The following ANKRD30B variants were observed in gnomAD, a reference collection of about 807,000 sequenced individuals.
ANKRD30B encodes ankyrin repeat domain 30B.
ANKRD30B carries 144 observed loss-of-function variants against 202.2 expected under a neutral mutation model. That is an observed-to-expected ratio of 0.71 (90% CI 0.62 to 0.82). The LOEUF (loss-of-function observed/expected upper bound fraction) is 0.82, where lower values mean the gene tolerates loss of function less well. Ranked by LOEUF, ANKRD30B falls within the 40% of genes least tolerant of loss-of-function variation. The pLI is 0.00. For missense variants in ANKRD30B, 1,487 were observed against 1,669.1 expected (o/e 0.89, Z 1.90); for synonymous variants, 508 against 561.3 (o/e 0.91, Z 1.34).
At chr18:14,837,933 G>C (rs548564151) in intron 36 of ANKRD30B, among the ~76,000 whole-genome samples, 2 of 152,130 alleles carry the variant, frequency 1.3e-5, no homozygotes, top group African/African-American at 4.8e-5. Context: ...GGAGAATGGC[G>C]TGAACCCAGA....
chr18:14,875,139 T>G, the ANKRD30B span, among the ~76,000 whole-genome samples: 1 of 152,130 alleles, frequency 6.6e-6, no homozygotes, highest in Admixed American at 6.5e-5. Flanking sequence ...CAAACCTCCA[T>G]GAGGAAGGCT....
At chr18:14,847,050 T>TTATATATATA (rs56871571) in intron 39 of ANKRD30B, among the ~76,000 whole-genome samples, 48 of 111,088 alleles carry the variant, frequency 4.3e-4, no homozygotes, top group Admixed American at 7.4e-4. Context: ...TGATTTAGTT[T>TTATATATATA]TATATATATA....
chr18:14,818,759 CATT>C (rs1473467742), intron 30 of ANKRD30B, among the ~76,000 whole-genome samples: 1 of 151,980 alleles, frequency 6.6e-6, no homozygotes, highest in Non-Finnish European at 1.5e-5. Context: ...TCCAGTCTAT[CATT>C]GTTGGATATT....
chr18:14,899,475 T>G, the ANKRD30B span, among the ~76,000 whole-genome samples: 1 of 152,186 alleles, frequency 6.6e-6, no homozygotes, highest in African/African-American at 2.4e-5. Context: ...TTTTTACAAT[T>G]TATTTGGTTT....
rs771135242 is a variant in ANKRD30B, at chr18:14,763,916, T to C, written c.1051T>C (p.Ser351Pro). 5.6e-6 allele frequency: 9 copies of C among 1,607,808 alleles called. No individual in the cohort carries two copies. In the South Asian group the frequency reaches 8.9e-5, roughly 16 times the overall value. ...TACAAAAGAAACATCTGAGAAATTT[T>C]CATGGCCAGCAAAAGAAAGATCTAG... ...RPTKETSEKF[S>P]WPAKERSRKI... Residue 351 changes from serine to proline, a missense_variant, in exon 7 of 44, where the codon TCA becomes CCA. Physicochemically the swap from Ser to Pro is moderately conservative, Grantham distance 74. Coordinates refer to ENST00000690538, the MANE Select transcript of ANKRD30B (RefSeq NM_001367607.2).
chr18:14,855,087 G>A (rs1169046060), downstream of ANKRD30B, among the ~76,000 whole-genome samples: 1 of 152,074 alleles, frequency 6.6e-6, no homozygotes, highest in Non-Finnish European at 1.5e-5. Flanking sequence ...GGGTACTTGA[G>A]ATTAGGGAGT....
intron 30 of ANKRD30B, among the ~76,000 whole-genome samples, chr18:14,820,704 G>T (rs1465063501): frequency 6.6e-6 from 1 of 152,014 alleles, no homozygotes; most frequent in Non-Finnish European, 1.5e-5. Flanking sequence ...TGCATCCCAG[G>T]GATGAAGCCC....
At chr18:14,913,683 T>A in the ANKRD30B span, among the ~76,000 whole-genome samples, 1 of 152,126 alleles carries the variant, frequency 6.6e-6, no homozygotes, top group South Asian at 2.1e-4. Context: ...TTCATAGTTT[T>A]TAACAATGAC....
At chr18:14,861,662 G>C in the ANKRD30B span, among the ~76,000 whole-genome samples, 1 of 150,390 alleles carries the variant, frequency 6.6e-6, no homozygotes, top group Non-Finnish European at 1.5e-5. Context: ...ATACACAGCT[G>C]TACAATAATC....
intron 32 of ANKRD30B, 102 bp downstream of exon 32, chr18:14,822,779 G>A (rs189761865): frequency 7.3e-7 from 1 of 1,374,708 alleles, no homozygotes; most frequent in South Asian, 1.4e-5. Flanking sequence ...TTTCAAAATT[G>A]GATGGGAAAA....
In ANKRD30B at chr18:14,851,653, A is replaced by T. The variant is rs779214321; in HGVS notation, c.3709A>T (p.Ile1237Phe). 2.5e-5 allele frequency: 41 copies of T among 1,611,258 alleles called. No homozygotes were observed. In the African/African-American group the frequency reaches 5.2e-4, roughly 21 times the overall value. The part of the protein sequence containing the change: ...KENKYFEDIK[I>F]LQEKNAELQM... ...AAATAAATACTTTGAGGACATTAAG[A>T]TTTTACAAGAAAAGAATGCTGAACT... Residue 1237 changes from isoleucine to phenylalanine, a missense_variant, in exon 42 of 44, where the codon ATT (isoleucine) becomes TTT (phenylalanine). Ile to Phe is a conservative substitution (Grantham distance 21). Coordinates refer to ENST00000690538, the MANE Select transcript of ANKRD30B (RefSeq NM_001367607.2).
chr18:14,795,149 T>C (rs1270657922), intron 16 of ANKRD30B, among the ~76,000 whole-genome samples: 2 of 152,234 alleles, frequency 1.3e-5, no homozygotes, highest in African/African-American at 4.8e-5. Context: ...TAATGATATG[T>C]AAAAAGTCTC....
rs1042961820 is a variant in ANKRD30B at position 14,752,742 on chromosome 18, T to C, written c.336+62T>C. ...TTGGTTTAAATACATAGAATAAAAA[T>C]GAATTTAGTTGAAATACAACTAGTT... On this transcript the variant is annotated intron_variant, in intron 2 of 43. Coordinates refer to ENST00000690538, the MANE Select transcript of ANKRD30B (RefSeq NM_001367607.2). 1.2e-5 allele frequency: 19 copies of C among 1,535,540 alleles called. No individual in the cohort carries two copies. In the African/African-American group the frequency reaches 2.2e-4, roughly 18 times the overall value.
At position 14,790,004 on chromosome 18, in the gene ANKRD30B, C is replaced by G. The variant is rs573456980; in HGVS notation, c.1735-1397C>G. Among the ~76,000 whole-genome samples the G allele has an allele frequency of 5.3e-5, 8 of 152,194 alleles. No homozygotes were observed. The South Asian group carries it at 8.3e-4, about 16-fold the overall frequency. On this transcript the variant is annotated intron_variant, in intron 15 of 43. Coordinates refer to ENST00000690538, the MANE Select transcript of ANKRD30B (RefSeq NM_001367607.2). Reference sequence around the variant, plus strand: ...GCAGTATGGCCATTTTCATGATATTCATTCTTCCTACCCATGAGCATGGAA... The same window carrying G: ...GCAGTATGGCCATTTTCATGATATTGATTCTTCCTACCCATGAGCATGGAA...
chr18:14,810,253 T>C (rs1447463570), intron 28 of ANKRD30B, 73 bp downstream of exon 28: 3 of 962,448 alleles, frequency 3.1e-6, no homozygotes, highest in Non-Finnish European at 4.4e-6. Context: ...GAGCCTTTTA[T>C]TCCCAAAGTT....
intron 40 of ANKRD30B, among the ~76,000 whole-genome samples, chr18:14,849,197 G>T (rs932552106): frequency 2.6e-5 from 4 of 151,640 alleles, no homozygotes; most frequent in African/African-American, 7.3e-5. Context: ...TAATTTTTTT[G>T]ATTTTTAATT....
the ANKRD30B span, among the ~76,000 whole-genome samples, chr18:14,931,037 A>G: frequency 6.6e-6 from 1 of 152,326 alleles, no homozygotes; most frequent in South Asian, 2.1e-4. Flanking sequence ...ATCAGCATTT[A>G]CAGAAGCATT....
chr18:14,792,985 A>G (rs908403920), intron 16 of ANKRD30B, among the ~76,000 whole-genome samples: 2 of 152,144 alleles, frequency 1.3e-5, no homozygotes, highest in Admixed American at 6.5e-5. Flanking sequence ...AACCTAGAAA[A>G]TTTTGTTAAT....
chr18:14,870,267 A>G, the ANKRD30B span, among the ~76,000 whole-genome samples: 1 of 152,240 alleles, frequency 6.6e-6, no homozygotes, highest in African/African-American at 2.4e-5. Flanking sequence ...GGCATGGGCC[A>G]CTGCGCCTGG....
Sources: allele counts gnomAD v4.1 joint callset (sites outside exome capture counted in the v4.1 genomes callset), GRCh38; gene constraint gnomAD v4.1.1; transcripts MANE v1.5; gene names NCBI Gene and HGNC (gene_info 2026-07-23, HGNC 2026-07-21).